ZNF589: variants seen among roughly 807,000 people sequenced by gnomAD.
The protein encoded by ZNF589 is zinc finger protein 589, also known as KRAB-zinc finger protein SZF1-1.
ZNF589 carries 17 observed loss-of-function variants against 13.6 expected under a neutral mutation model. The ratio of observed to expected loss-of-function variants is 1.25; its 90% CI spans 0.86 to 1.88. The LOEUF is 1.88. Among genes scored for constraint, ZNF589 ranks in the 40% most tolerant of loss-of-function variants. ZNF589 has a pLI of 0.00. For missense variants in ZNF589, 407 were observed against 434.0 expected, an observed-to-expected ratio of 0.94 and a Z score of 0.55; for synonymous variants, 148 against 161.6, an observed-to-expected ratio of 0.92 and a Z score of 0.64.
chr3:48,270,003 G>T lies in ZNF589; in HGVS notation c.*1217G>T, dbSNP rs1414939085. On this transcript the variant is annotated 3_prime_UTR_variant, in exon 4 of 4. Coordinates refer to ENST00000354698, the MANE Select transcript of ZNF589 (RefSeq NM_016089.3). ...CTTACATTCCTTTAGATGTGAAGATGACAGAGATCTAACTTCTGAGAGCAG... is the reference window on the plus strand; with the variant it reads ...CTTACATTCCTTTAGATGTGAAGATTACAGAGATCTAACTTCTGAGAGCAG... 2.2e-6 allele frequency: 1 copy of T among 457,014 alleles called. No individual in the cohort carries two copies. Among genetic ancestry groups the T allele is most frequent in the African/African-American group, 2.0e-5 (1 of 50,046 alleles). The allele number at this position is 457,014 out of a possible 1,614,324, so 28.3% of individuals were successfully genotyped here. A position where few individuals can be genotyped will look rare whatever the true frequency, so the allele number is the denominator to read the frequency against.
At chr3:48,257,788 C>T (rs1006868848) in intron 2 of ZNF589, 3 of 199,158 alleles carry the variant, frequency 1.5e-5, no homozygotes, top group South Asian at 7.2e-5. Flanking sequence ...CTGTGAATAT[C>T]CAGTTGGTCC....
chr3:48,253,295 T>C (rs2033858904), intron 2 of ZNF589, among the ~76,000 whole-genome samples: 1 of 152,140 alleles, frequency 6.6e-6, no homozygotes, highest in Admixed American at 6.5e-5. Flanking sequence ...CTTCCCAAAG[T>C]GCTTGGACTA....
intron 3 of ZNF589, among the ~76,000 whole-genome samples, chr3:48,262,840 A>T (rs1295157009): frequency 6.6e-6 from 1 of 152,182 alleles, no homozygotes; most frequent in Non-Finnish European, 1.5e-5. Context: ...CTTTACCAAG[A>T]GGTGTTCACC....
rs200474615 is a variant in ZNF589, at chr3:48,268,683, C to T, written c.992C>T (p.Ser331Leu). 1.4e-5 allele frequency: 22 copies of T among 1,614,124 alleles called. No individual in the cohort carries two copies. In the East Asian group the frequency reaches 2.9e-4, roughly 21 times the overall value. ...CAGAGGACACACACAAGGGAGAAAT[C>T]GTTTATGTGCACAGTGTGTGGGCGA... ...RHQRTHTREK[S>L]FMCTVCGRGF... is the part of the protein sequence containing the mutation. The change falls in exon 4 of 4, where the codon TCG becomes TTG. Residue 331 changes from serine to leucine, a missense_variant. By Grantham distance (145) the Ser-to-Leu change is moderately radical. Transcript: ENST00000354698.
intron 2 of ZNF589, chr3:48,257,824 C>G (rs2033925023): frequency 3.1e-6 from 1 of 319,422 alleles, no homozygotes; most frequent in Non-Finnish European, 6.1e-6. Flanking sequence ...AAAGTCTATT[C>G]TTCATTGAAT....
rs924049809 is a variant in ZNF589, at chr3:48,263,162, T to A, written c.223+2223T>A. 5.3e-5 allele frequency among the ~76,000 whole-genome samples: 8 copies of A among 152,036 alleles called. No individual in the cohort carries two copies. In the East Asian group the frequency reaches 7.7e-4, roughly 15 times the overall value. ...TTTGCTCTTGTTGCCCAGGCTGGAG[T>A]GCAATGGTGCAATCTCAGCTCACTG... On this transcript the variant is annotated intron_variant, in intron 3 of 3. Transcript: ENST00000354698.
chr3:48,256,700 T>C (rs1305658921), intron 2 of ZNF589: 1 of 1,513,680 alleles, frequency 6.6e-7, no homozygotes, highest in Non-Finnish European at 9.2e-7. Flanking sequence ...ATAGTTTTAC[T>C]TGTGGTTCAG....
chr3:48,244,176 G>T (rs1337558584), intron 1 of ZNF589, among the ~76,000 whole-genome samples: 1 of 152,114 alleles, frequency 6.6e-6, no homozygotes, highest in Non-Finnish European at 1.5e-5. Flanking sequence ...AGTGGGATCA[G>T]AACCACCTGT....
At chr3:48,262,179 A>G (rs11709691) in intron 3 of ZNF589, among the ~76,000 whole-genome samples, 32,849 of 152,080 alleles carry the variant, frequency 0.22, 4,420 homozygotes, top group Non-Finnish European at 0.3. Flanking sequence ...CCAATAAATA[A>G]GGACATTTTA....
chr3:48,257,915 CTA>C (rs2033925837), intron 2 of ZNF589: 1 of 447,246 alleles, frequency 2.2e-6, no homozygotes. Flanking sequence ...ATCTGTGTGT[CTA>C]TTCTTCCATA....
chr3:48,251,430 C>T (rs574804978), intron 2 of ZNF589, among the ~76,000 whole-genome samples: 37 of 151,194 alleles, frequency 2.4e-4, no homozygotes, highest in African/African-American at 5.8e-4. Context: ...CGTGGCGATG[C>T]GTACCTGTAA....
chr3:48,252,047 A>C (rs1319419384), intron 2 of ZNF589, among the ~76,000 whole-genome samples: 1 of 151,716 alleles, frequency 6.6e-6, no homozygotes, highest in Non-Finnish European at 1.5e-5. Flanking sequence ...TCAAAAAAAA[A>C]GAAAAATCAA....
At chr3:48,246,679 T>A (rs1295682902) in intron 1 of ZNF589, among the ~76,000 whole-genome samples, 1 of 152,158 alleles carries the variant, frequency 6.6e-6, no homozygotes, top group Non-Finnish European at 1.5e-5. Flanking sequence ...TTTTCTTTTT[T>A]TTTTCTTGAG....
intron 3 of ZNF589, among the ~76,000 whole-genome samples, chr3:48,264,542 A>G (rs370516344): frequency 6.8e-6 from 1 of 147,226 alleles, no homozygotes. Context: ...AAAAAAAAAT[A>G]AAAAGGCCGG....
In ZNF589 at chr3:48,268,600, TTA is replaced by T. The variant is rs1374667342; in HGVS notation, c.911_912del (p.Tyr304CysfsTer10). On this transcript the variant is annotated frameshift_variant, in exon 4 of 4. Coordinates refer to ENST00000354698, the MANE Select transcript of ZNF589 (RefSeq NM_016089.3). LOFTEE classifies it low-confidence loss of function (END_TRUNC). ...HLSTHSGEKP[Y>X]VCSHCGRGFS... ...TGAGTACACACTCCGGGGAGAAACC[TTA>T]TGTGTGCAGCCATTGTGGGCGAGGC... 6.2e-7 allele frequency: 1 copy of T among 1,613,080 alleles called. No homozygotes were observed. The highest frequency in any genetic ancestry group is 8.5e-7 in the Non-Finnish European group (1 of 1,179,846).
intron 2 of ZNF589, among the ~76,000 whole-genome samples, chr3:48,251,250 G>T (rs991525603): frequency 1.3e-5 from 2 of 152,132 alleles, no homozygotes; most frequent in African/African-American, 2.4e-5. Flanking sequence ...AAGAAGTGAT[G>T]CTGGAAAATC....
At chr3:48,249,517 C>T (rs1200273302) in intron 2 of ZNF589, among the ~76,000 whole-genome samples, 8 of 152,098 alleles carry the variant, frequency 5.3e-5, no homozygotes, top group Admixed American at 5.2e-4. Flanking sequence ...TGATTTTTTT[C>T]TGAGGTAAAA....
At position 48,268,694 on chromosome 3, in the gene ZNF589, ACAGT is replaced by A. The variant is rs1435451303; in HGVS notation, c.1004_1007del (p.Thr335SerfsTer35). 1 of 1,613,870 alleles carries A rather than the reference ACAGT, an allele frequency of 6.2e-7. No homozygotes were observed. Among genetic ancestry groups the A allele is most frequent in the Non-Finnish European group, 8.5e-7 (1 of 1,180,000 alleles). On this transcript the variant is annotated frameshift_variant, in exon 4 of 4. Transcript: ENST00000354698. LOFTEE classifies it low-confidence loss of function (END_TRUNC). ...CACAAGGGAGAAATCGTTTATGTGC[ACAGT>A]GTGTGGGCGAGGCTTTCGTGAAAAG...
intron 2 of ZNF589, among the ~76,000 whole-genome samples, chr3:48,257,213 A>T (rs1395357448): frequency 2.0e-5 from 3 of 151,886 alleles, no homozygotes; most frequent in Non-Finnish European, 2.9e-5. Context: ...TCTGGAAGAG[A>T]TGGGGGTCTT....
Sources: gnomAD v4.1 joint callset for allele counts (sites outside exome capture counted in the v4.1 genomes callset) on GRCh38, gnomAD v4.1.1 for gene constraint, MANE v1.5 for transcripts, NCBI Gene and HGNC (gene_info 2026-07-23, HGNC 2026-07-21) for gene names.